CTTNBP2: variants seen among roughly 807,000 people sequenced by gnomAD.
The protein encoded by CTTNBP2 is cortactin binding protein 2, also known as cortactin-binding protein 2.
In CTTNBP2, 108 loss-of-function variants were observed where a neutral mutation model predicts 156.9. That is an observed-to-expected ratio of 0.69 (90% CI 0.59 to 0.81). The LOEUF (loss-of-function observed/expected upper bound fraction) is 0.81. Ranked by LOEUF, CTTNBP2 falls within the 30% of genes least tolerant of loss-of-function variation. The pLI, the probability that CTTNBP2 is intolerant of heterozygous loss-of-function variation, is 0.00. For missense variants in CTTNBP2, 1,924 were observed against 2,035.4 expected, an observed-to-expected ratio of 0.95 and a Z score of 1.05; for synonymous variants, 767 against 751.8, an observed-to-expected ratio of 1.02 and a Z score of -0.33.
At chr7:117,814,300 G>T (rs573516995) in intron 2 of CTTNBP2, among the ~76,000 whole-genome samples, 2 of 144,780 alleles carry the variant, frequency 1.4e-5, no homozygotes, top group African/African-American at 2.6e-5. Context: ...TATTTTTGTT[G>T]TGTTTTTTTA....
At chr7:117,766,976 A>C in intron 9 of CTTNBP2, 83 bp downstream of exon 9, 1 of 799,356 alleles carries the variant, frequency 1.3e-6, no homozygotes, top group Non-Finnish European at 2.2e-6. Flanking sequence ...GACATGCAAA[A>C]GATGTAAATA....
chr7:117,721,637 T>C (rs992316827), intron 19 of CTTNBP2, among the ~76,000 whole-genome samples: 6 of 152,246 alleles, frequency 3.9e-5, no homozygotes, highest in Non-Finnish European at 7.3e-5. Flanking sequence ...TTTTGCATTA[T>C]ACAGAAGAGA....
chr7:117,780,723 A>G (rs982600070), intron 6 of CTTNBP2, 132 bp from the exon 7 acceptor site: 49 of 450,194 alleles, frequency 1.1e-4, no homozygotes, highest in Admixed American at 8.4e-5. Flanking sequence ...CTATTTACAT[A>G]TATCAATTAT....
intron 10 of CTTNBP2, 114 bp from the exon 11 acceptor site, chr7:117,758,084 G>A (rs1796988015): frequency 1.4e-6 from 1 of 724,076 alleles, no homozygotes. Flanking sequence ...AGCTTTAATT[G>A]TCAAAGGCAT....
intron 3 of CTTNBP2, among the ~76,000 whole-genome samples, chr7:117,794,398 C>T (rs1224283057): frequency 2.0e-5 from 3 of 152,172 alleles, no homozygotes; most frequent in Non-Finnish European, 4.4e-5. Flanking sequence ...TAAAGTACAT[C>T]TACCTGATTA....
intron 2 of CTTNBP2, among the ~76,000 whole-genome samples, chr7:117,820,722 G>A (rs1410397918): frequency 3.3e-5 from 5 of 152,146 alleles, no homozygotes; most frequent in African/African-American, 1.2e-4. Context: ...TCTATTCCAT[G>A]AGGTATATGT....
At chr7:117,809,306 G>C (rs1443578625) in intron 3 of CTTNBP2, among the ~76,000 whole-genome samples, 2 of 152,180 alleles carry the variant, frequency 1.3e-5, no homozygotes, top group African/African-American at 4.8e-5. Flanking sequence ...TTTTAGGAAA[G>C]TGTTTTTTAT....
intron 2 of CTTNBP2, among the ~76,000 whole-genome samples, chr7:117,822,264 C>T (rs1427441100): frequency 6.6e-6 from 1 of 151,920 alleles, no homozygotes; most frequent in Non-Finnish European, 1.5e-5. Flanking sequence ...TGGTGATTTG[C>T]ATTCTTTTTT....
intron 12 of CTTNBP2, among the ~76,000 whole-genome samples, chr7:117,748,840 C>A (rs1189255797): frequency 6.6e-6 from 1 of 152,294 alleles, no homozygotes; most frequent in East Asian, 1.9e-4. Flanking sequence ...GAAATTCTAA[C>A]CCCCAAGGTG....
intron 9 of CTTNBP2, among the ~76,000 whole-genome samples, chr7:117,763,438 C>A (rs538761918): frequency 7.2e-5 from 11 of 152,048 alleles, no homozygotes; most frequent in African/African-American, 1.9e-4. Context: ...CAAATGCAAT[C>A]GACTCTTTTT....
chr7:117,722,697 A>C (rs538378740), intron 19 of CTTNBP2, among the ~76,000 whole-genome samples: 2 of 152,258 alleles, frequency 1.3e-5, no homozygotes, highest in South Asian at 4.1e-4. Flanking sequence ...GTTAGCTCAA[A>C]AAGTTGGTCT....
chr7:117,858,313 T>C (rs1016412715), intron 2 of CTTNBP2, among the ~76,000 whole-genome samples: 1 of 152,076 alleles, frequency 6.6e-6, no homozygotes, highest in Non-Finnish European at 1.5e-5. Flanking sequence ...GGGCTTGCAG[T>C]GAGCCGAGAT....
Position 117,782,852 on chromosome 7 carries a change from A to G in CTTNBP2, c.2372+10T>C. The G allele has an allele frequency of 1.3e-6, 2 of 1,598,984 alleles. No homozygotes were observed. Among genetic ancestry groups the G allele is most frequent in the Non-Finnish European group, 1.7e-6 (2 of 1,169,714 alleles). On this transcript the variant is annotated intron_variant, in intron 6 of 22. Coordinates refer to ENST00000160373, the MANE Select transcript of CTTNBP2 (RefSeq NM_033427.3). ...TGATGGTGGGAAAAAAAGAATTAAGAGCAACTTACTCGAAATGTCCCTGAG... is the reference window on the plus strand; with the variant it reads ...TGATGGTGGGAAAAAAAGAATTAAGGGCAACTTACTCGAAATGTCCCTGAG...
intron 2 of CTTNBP2, among the ~76,000 whole-genome samples, chr7:117,857,332 G>C (rs186207951): frequency 3.9e-4 from 59 of 152,150 alleles, no homozygotes; most frequent in Non-Finnish European, 5.7e-4. Context: ...ATACTAGGAA[G>C]TATCTATACC....
intron 14 of CTTNBP2, among the ~76,000 whole-genome samples, chr7:117,738,494 T>C (rs930187286): frequency 6.6e-6 from 1 of 152,132 alleles, no homozygotes; most frequent in Admixed American, 6.5e-5. Context: ...GATGGGAGCC[T>C]CACCCAGGAC....
At chr7:117,751,229 C>T (rs563101998) in intron 12 of CTTNBP2, among the ~76,000 whole-genome samples, 1 of 152,216 alleles carries the variant, frequency 6.6e-6, no homozygotes, top group Non-Finnish European at 1.5e-5. Context: ...TGATGTGGCA[C>T]CTGTAATGTG....
chr7:117,753,729 G>A (rs1417589606), intron 12 of CTTNBP2, among the ~76,000 whole-genome samples: 1 of 151,734 alleles, frequency 6.6e-6, no homozygotes, highest in Non-Finnish European at 1.5e-5. Flanking sequence ...ACATGGTGGA[G>A]GGGGTGGAAC....
intron 2 of CTTNBP2, among the ~76,000 whole-genome samples, chr7:117,849,078 G>A (rs904225463): frequency 2.0e-5 from 3 of 152,186 alleles, no homozygotes; most frequent in Non-Finnish European, 4.4e-5. Flanking sequence ...GTCCTGAGAA[G>A]AGCCACTGCC....
At chr7:117,736,028 T>C (rs762381578) in intron 14 of CTTNBP2, among the ~76,000 whole-genome samples, 1 of 152,230 alleles carries the variant, frequency 6.6e-6, no homozygotes, top group Non-Finnish European at 1.5e-5. Context: ...GGTTACATGG[T>C]TATTTTATTT....
Sources: gnomAD v4.1 joint callset for allele counts (sites outside exome capture counted in the v4.1 genomes callset) on GRCh38, gnomAD v4.1.1 for gene constraint, MANE v1.5 for transcripts, NCBI Gene and HGNC (gene_info 2026-07-23, HGNC 2026-07-21) for gene names.